Variants in STK32B observed in about 807,000 individuals in gnomAD.
The protein encoded by STK32B is serine/threonine kinase 32B, also known as serine/threonine-protein kinase 32B.
Under a neutral mutation model 52.6 loss-of-function variants are expected in STK32B, and 43 were observed. The observed-to-expected ratio is 0.82, with a 90% CI of 0.64 to 1.05. STK32B has a LOEUF of 1.05. STK32B is among the 50% of genes least tolerant of loss of function. The pLI is 0.00. For missense variants in STK32B, 621 were observed against 534.6 expected (o/e 1.16, Z -1.59); for synonymous variants, 238 against 204.3 (o/e 1.17, Z -1.41).
At chr4:5,416,497 C>A (rs1340860565) in intron 5 of STK32B, among the ~76,000 whole-genome samples, 1 of 152,202 alleles carries the variant, frequency 6.6e-6, no homozygotes, top group Non-Finnish European at 1.5e-5. Context: ...CCGCCCCAGC[C>A]ATAGCCCACC....
At chr4:5,279,791 C>G (rs1431343256) in intron 3 of STK32B, among the ~76,000 whole-genome samples, 1 of 152,236 alleles carries the variant, frequency 6.6e-6, no homozygotes, top group African/African-American at 2.4e-5. Context: ...CACGTGGAAG[C>G]CACCGAGGCT....
chr4:5,225,988 T>G (rs974155238), intron 3 of STK32B, among the ~76,000 whole-genome samples: 1 of 152,222 alleles, frequency 6.6e-6, no homozygotes, highest in South Asian at 2.1e-4. Flanking sequence ...CAAGTTTGTC[T>G]CCTTCCAAGA....
In STK32B at chr4:5,360,095, G is replaced by A. The variant is rs146138203; in HGVS notation, c.434+28702G>A. On this transcript the variant is annotated intron_variant, in intron 4 of 11. Transcript: ENST00000282908. ...ATGAGAAGGCAAGGCTCTTGCTGGA[G>A]ATCAGAGGAATATTCCAATGGAAGC... is the stretch of plus-strand genomic sequence containing the variant. Among the ~76,000 whole-genome samples the A allele has an allele frequency of 8.6e-3, 1,306 of 152,266 alleles. 9 individuals carry two copies. The highest frequency in any genetic ancestry group is 0.014 in the Non-Finnish European group (966 of 68,024).
At chr4:5,487,942 G>C (rs530450473) in intron 11 of STK32B, among the ~76,000 whole-genome samples, 3 of 152,214 alleles carry the variant, frequency 2.0e-5, no homozygotes, top group Admixed American at 1.3e-4. Context: ...TCAGGCTTTA[G>C]GAACAAAGCA....
chr4:5,140,484 C>T (rs1299124588), intron 2 of STK32B, among the ~76,000 whole-genome samples: 9 of 152,032 alleles, frequency 5.9e-5, no homozygotes, highest in Non-Finnish European at 1.0e-4. Context: ...TATTGAATGC[C>T]AGAGATATTC....
chr4:5,366,586 G>A (rs996054827), intron 4 of STK32B, among the ~76,000 whole-genome samples: 7 of 152,222 alleles, frequency 4.6e-5, no homozygotes, highest in Non-Finnish European at 8.8e-5. Flanking sequence ...CAACCCTACC[G>A]AGGAGGGCAA....
At chr4:5,498,153 G>A (rs1720449044) in intron 11 of STK32B, among the ~76,000 whole-genome samples, 1 of 152,164 alleles carries the variant, frequency 6.6e-6, no homozygotes, top group East Asian at 1.9e-4. Flanking sequence ...GTTCTTCCCT[G>A]CTCTAAAAAT....
chr4:5,230,346 C>T (rs538582542), intron 3 of STK32B, among the ~76,000 whole-genome samples: 12 of 151,784 alleles, frequency 7.9e-5, no homozygotes, highest in Non-Finnish European at 1.0e-4. Flanking sequence ...CCTGCCACCA[C>T]GCTTGGTTAG....
intron 11 of STK32B, among the ~76,000 whole-genome samples, chr4:5,478,300 G>T (rs1053702190): frequency 6.6e-6 from 1 of 152,158 alleles, no homozygotes; most frequent in Admixed American, 6.5e-5. Flanking sequence ...CTGTCAGAGC[G>T]GTCTCATTTG....
rs997864891 is a variant in STK32B, at chr4:5,468,216, G to A, written c.1106+146G>A. ...TGAGGTGAGACACAGGGCTCTGGTG[G>A]GGGGTGAAACTCCTGGATTTTGAAT... On this transcript the variant is annotated intron_variant, in intron 11 of 11. Coordinates refer to ENST00000282908, the MANE Select transcript of STK32B (RefSeq NM_018401.3). 9.1e-6 allele frequency: 7 copies of A among 768,680 alleles called. No homozygotes were observed. The African/African-American group carries it at 1.2e-4, about 13-fold the overall frequency. 47.6% of individuals were successfully genotyped at this position (768,680 alleles called of 1,614,324 possible).
the STK32B span, among the ~76,000 whole-genome samples, chr4:5,022,107 G>C: frequency 2.0e-5 from 3 of 152,122 alleles, no homozygotes; most frequent in African/African-American, 4.8e-5. Flanking sequence ...GTGCATCCGG[G>C]AATTCTATCT....
Position 5,454,365 on chromosome 4 carries a change from T to G in STK32B, c.667-2442T>G, listed in dbSNP as rs3774825. On this transcript the variant is annotated intron_variant, in intron 7 of 11. Transcript: ENST00000282908. ...TGGCAGGGCTTGTTCCTCCTGAGGC[T>G]GAGGGAAGGACCTATTCCAGGCCTC... Among the ~76,000 whole-genome samples, 10 of 152,166 alleles carry G rather than the reference T, an allele frequency of 6.6e-5. No homozygotes were observed. In the East Asian group the frequency reaches 1.8e-3, roughly 27 times the overall value.
chr4:5,217,355 A>G, intron 3 of STK32B, among the ~76,000 whole-genome samples: 1 of 152,194 alleles, frequency 6.6e-6, no homozygotes, highest in East Asian at 1.9e-4. Context: ...TTTATGAGAA[A>G]GGAAGTCTGC....
In STK32B at chr4:5,126,547, T is replaced by C. The variant is rs541770412; in HGVS notation, c.53-13358T>C. 1.1e-3 allele frequency among the ~76,000 whole-genome samples: 173 copies of C among 152,370 alleles called. 1 individual carries two copies. Among genetic ancestry groups the C allele is most frequent in the Non-Finnish European group, 1.3e-3 (86 of 68,036 alleles). The stretch of plus-strand genomic sequence containing the variant: ...GCCTGGGCATCTTCCCATGGCAAAG[T>C]AGATGAGCACCTGTGTATGTTGGAG... On this transcript the variant is annotated intron_variant, in intron 1 of 11. Coordinates refer to ENST00000282908, the MANE Select transcript of STK32B (RefSeq NM_018401.3).
At chr4:5,081,011 C>T (rs1317391549) in intron 1 of STK32B, among the ~76,000 whole-genome samples, 2 of 152,070 alleles carry the variant, frequency 1.3e-5, no homozygotes, top group Non-Finnish European at 2.9e-5. Flanking sequence ...GTGAGTTTGG[C>T]TTTTTTTAGA....
intron 1 of STK32B, among the ~76,000 whole-genome samples, chr4:5,128,175 T>A (rs771937376): frequency 6.6e-6 from 1 of 152,188 alleles, no homozygotes; most frequent in Non-Finnish European, 1.5e-5. Context: ...AGCATGGTCC[T>A]GAGGACACCT....
chr4:5,300,409 A>G (rs1230461670), intron 3 of STK32B, among the ~76,000 whole-genome samples: 1 of 152,180 alleles, frequency 6.6e-6, no homozygotes, highest in East Asian at 1.9e-4. Context: ...ACTATTCCAC[A>G]TAGTACTGGA....
chr4:5,318,691 A>G (rs1344957644), intron 3 of STK32B, among the ~76,000 whole-genome samples: 4 of 152,204 alleles, frequency 2.6e-5, no homozygotes, highest in Admixed American at 6.5e-5. Context: ...GAGAAAGCAC[A>G]TTTGACTAAC....
At chr4:5,440,546 G>T (rs149004140) in intron 6 of STK32B, among the ~76,000 whole-genome samples, 1,906 of 152,280 alleles carry the variant, frequency 0.013, 45 homozygotes, top group East Asian at 0.069. Flanking sequence ...CATGTCATCT[G>T]CAAACAGAGA....
Sources: gnomAD v4.1 joint callset for allele counts (sites outside exome capture counted in the v4.1 genomes callset) on GRCh38, gnomAD v4.1.1 for gene constraint, MANE v1.5 for transcripts, NCBI Gene and HGNC (gene_info 2026-07-23, HGNC 2026-07-21) for gene names.